Variants in SORCS1 observed in about 807,000 individuals in gnomAD.
The protein encoded by SORCS1 is VPS10 domain-containing receptor SorCS1.
Under a neutral mutation model 146.1 loss-of-function variants are expected in SORCS1, and 60 were observed. The ratio of observed to expected loss-of-function variants is 0.41; its 90% CI spans 0.33 to 0.51. The LOEUF (loss-of-function observed/expected upper bound fraction) is 0.51, where lower values mean the gene tolerates loss of function less well. Among genes scored for constraint, SORCS1 ranks in the 20% least tolerant of loss-of-function variants. The pLI is 0.21. For synonymous variants in SORCS1, 637 were observed against 584.0 expected (o/e 1.09, Z -1.31); for missense variants, 1,352 against 1,487.6 (o/e 0.91, Z 1.50).
In SORCS1 at chr10:106,633,153, A is replaced by C. The variant is rs1300800713; in HGVS notation, c.2476-3765T>G. On this transcript the variant is annotated intron_variant, in intron 18 of 25. Coordinates refer to ENST00000263054, the MANE Select transcript of SORCS1 (RefSeq NM_052918.5). ...CCTAAGAGCAATGAGAAGCCATTAA[A>C]GTGTTTTACTTTTTAAATGTTTTTA... Among the ~76,000 whole-genome samples the C allele has an allele frequency of 2.0e-5, 3 of 152,338 alleles. No homozygotes were observed. The East Asian group carries it at 5.8e-4, about 29-fold the overall frequency.
At chr10:107,164,809 G>T (rs1969992189), upstream of SORCS1, among the ~76,000 whole-genome samples, 1 of 148,022 alleles carries the variant, frequency 6.8e-6, no homozygotes, top group Admixed American at 6.7e-5. This position sits in a 1 kb window ranked among gnomAD's most constrained non-coding sequence, Gnocchi z 6.8. Flanking sequence ...CGACGCGGGA[G>T]GGAGGGCAGG....
intron 6 of SORCS1, among the ~76,000 whole-genome samples, chr10:106,726,486 G>A (rs1351655726): frequency 1.3e-5 from 2 of 151,830 alleles, no homozygotes; most frequent in Admixed American, 6.6e-5. Context: ...CCTTCAGGGA[G>A]CACAGGAATA....
At chr10:106,817,931 G>T (rs574403887) in intron 3 of SORCS1, among the ~76,000 whole-genome samples, 5 of 152,332 alleles carry the variant, frequency 3.3e-5, no homozygotes, top group African/African-American at 1.2e-4. Context: ...GACTATGTGA[G>T]ATTACAGCCC....
chr10:106,592,441 A>G (rs1218500268), intron 24 of SORCS1, among the ~76,000 whole-genome samples: 1 of 152,204 alleles, frequency 6.6e-6, no homozygotes, highest in African/African-American at 2.4e-5. Flanking sequence ...AAACCAAAAT[A>G]AGGCTAGTAA....
chr10:106,692,490 G>A (rs1450265843), intron 9 of SORCS1, among the ~76,000 whole-genome samples: 1 of 152,196 alleles, frequency 6.6e-6, no homozygotes, highest in East Asian at 1.9e-4. Flanking sequence ...GACTACTAAT[G>A]GTTGTGGAGC....
At chr10:106,790,689 A>G (rs1946277446) in intron 3 of SORCS1, among the ~76,000 whole-genome samples, 1 of 152,202 alleles carries the variant, frequency 6.6e-6, no homozygotes, top group Non-Finnish European at 1.5e-5. Context: ...ACGACAGTCT[A>G]TGGGACTATT....
At chr10:106,951,513 G>GGAA (rs1554892873) in intron 2 of SORCS1, among the ~76,000 whole-genome samples, 1 of 113,974 alleles carries the variant, frequency 8.8e-6, no homozygotes, top group South Asian at 3.2e-4. Context: ...CTCCGTCTCT[G>GGAA]AAAAAAAAAA....
At chr10:107,170,300 A>G in the SORCS1 span, among the ~76,000 whole-genome samples, 1 of 152,218 alleles carries the variant, frequency 6.6e-6, no homozygotes, top group Non-Finnish European at 1.5e-5. Context: ...TACAAATAGG[A>G]AAAATAAACT....
chr10:106,910,651 A>G (rs1435518926), intron 2 of SORCS1, among the ~76,000 whole-genome samples: 1 of 152,182 alleles, frequency 6.6e-6, no homozygotes, highest in East Asian at 1.9e-4. Flanking sequence ...GTTTTCCTCC[A>G]CTGAACATAT....
intron 2 of SORCS1, among the ~76,000 whole-genome samples, chr10:106,896,085 C>G (rs1951463689): frequency 1.3e-5 from 2 of 152,116 alleles, no homozygotes; most frequent in Admixed American, 6.5e-5. Context: ...AACACAAACA[C>G]TGTATGATTC....
chr10:106,796,243 G>A (rs1946548095), intron 3 of SORCS1, among the ~76,000 whole-genome samples: 1 of 152,082 alleles, frequency 6.6e-6, no homozygotes, highest in East Asian at 1.9e-4. Flanking sequence ...TTTACATGTT[G>A]ACAGTTCAGA....
chr10:106,843,335 A>T (rs1949138413), intron 2 of SORCS1, among the ~76,000 whole-genome samples: 1 of 151,954 alleles, frequency 6.6e-6, no homozygotes, highest in African/African-American at 2.4e-5. Context: ...CATGTAAGTG[A>T]GATCATGCAT....
chr10:106,614,065 A>T (rs1570231), intron 21 of SORCS1, among the ~76,000 whole-genome samples: 50,716 of 151,818 alleles, frequency 0.33, 9,468 homozygotes, highest in East Asian at 0.51. Flanking sequence ...GTTTTCATTG[A>T]TATGTCCTTC....
chr10:106,653,666 T>C (rs1167934609), intron 17 of SORCS1, among the ~76,000 whole-genome samples: 1 of 152,210 alleles, frequency 6.6e-6, no homozygotes, highest in East Asian at 1.9e-4. Flanking sequence ...TCCTTTCCTC[T>C]GTGAGAAAGT....
chr10:106,754,271 T>C (rs1045490349), intron 5 of SORCS1, among the ~76,000 whole-genome samples: 1 of 152,136 alleles, frequency 6.6e-6, no homozygotes, highest in African/African-American at 2.4e-5. Flanking sequence ...AGATAGAAGC[T>C]TCTAGAGGCC....
intron 1 of SORCS1, among the ~76,000 whole-genome samples, chr10:106,968,598 A>G (rs987913505): frequency 3.9e-5 from 6 of 152,144 alleles, no homozygotes; most frequent in African/African-American, 1.2e-4. Context: ...GAAGAAGTCA[A>G]CTCAATTCTA....
At chr10:106,873,174 T>G (rs569169909) in intron 2 of SORCS1, among the ~76,000 whole-genome samples, 1 of 143,380 alleles carries the variant, frequency 7.0e-6, no homozygotes, top group South Asian at 2.2e-4. Flanking sequence ...AAACCAGAAA[T>G]AAATGGGTAA....
chr10:106,837,118 T>C (rs1948820790), intron 2 of SORCS1, among the ~76,000 whole-genome samples: 2 of 152,208 alleles, frequency 1.3e-5, no homozygotes, highest in Non-Finnish European at 2.9e-5. Flanking sequence ...GAGTTCCTTC[T>C]TAGAAATAAA....
chr10:106,937,643 G>C (rs1389167739), intron 2 of SORCS1, among the ~76,000 whole-genome samples: 1 of 152,078 alleles, frequency 6.6e-6, no homozygotes, highest in Non-Finnish European at 1.5e-5. Context: ...AAATTACCCA[G>C]TCTCAGGCAT....
Sources: allele counts gnomAD v4.1 joint callset (sites outside exome capture counted in the v4.1 genomes callset), GRCh38; gene constraint gnomAD v4.1.1; non-coding constraint Gnocchi (gnomAD v3.1); transcripts MANE v1.5; gene names NCBI Gene and HGNC (gene_info 2026-07-23, HGNC 2026-07-21).